SEMA4G: variants seen among roughly 807,000 people sequenced by gnomAD.
SEMA4G encodes the protein semaphorin-4G.
Under a neutral mutation model 81.2 loss-of-function variants are expected in SEMA4G, and 59 were observed. The observed-to-expected ratio is 0.73, with a 90% confidence interval of 0.59 to 0.90. The LOEUF is 0.90. Among genes scored for constraint, SEMA4G ranks in the 40% least tolerant of loss-of-function variants. The pLI is 0.00. For missense variants in SEMA4G, 952 were observed against 1,102.3 expected (o/e 0.86, Z 1.93); for synonymous variants, 404 against 433.9 (o/e 0.93, Z 0.86).
intron 3 of SEMA4G, chr10:100,975,002 G>A (rs1313026429): frequency 1.9e-6 from 1 of 533,742 alleles, no homozygotes; most frequent in Non-Finnish European, 3.8e-6. Context: ...GGTGGGCCAG[G>A]GGTGGTGTTG....
rs778822733 is a variant in SEMA4G at position 100,980,889 on chromosome 10, G to A, written c.1535G>A (p.Arg512Gln). The A allele has an allele frequency of 8.7e-6, 14 of 1,610,832 alleles. No individual in the cohort carries two copies. In the Admixed American group the frequency reaches 1.2e-4, roughly 14 times the overall value. Residue 512 changes from arginine to glutamine, a missense_variant, in exon 12 of 14, where the codon CGA (arginine) becomes CAA (glutamine). By Grantham distance (43) the Arg-to-Gln change is conservative. This residue lies in a region of SEMA4G where 131 missense variants were observed against 200.7 expected (regional missense o/e 0.65). Coordinates refer to ENST00000370250, the Ensembl canonical transcript of SEMA4G. Reference sequence around the variant, plus strand: ...CCACTCTCCAGCTGCTCCCGCTACCGATCCTGCTATGACTGCATCTTGGCC... The same window carrying A: ...CCACTCTCCAGCTGCTCCCGCTACCAATCCTGCTATGACTGCATCTTGGCC...
At chr10:100,984,721 T>C (rs1851341027) in exon 14 of SEMA4G, 36 of 1,536,138 alleles carry the variant, frequency 2.3e-5, no homozygotes, top group Non-Finnish European at 3.1e-5. Flanking sequence ...CCCTCCCAAT[T>C]GCCACATCCT....
intron 3 of SEMA4G, 31 bp from the exon 5 acceptor site, chr10:100,977,601 G>A: frequency 1.3e-6 from 2 of 1,577,204 alleles, no homozygotes; most frequent in Non-Finnish European, 1.7e-6. Flanking sequence ...TCAGGCAGGG[G>A]GCTCACAGCC....
At chr10:100,984,905 C>G (rs1217254719), downstream of SEMA4G, 15 of 1,453,380 alleles carry the variant, frequency 1.0e-5, no homozygotes, top group Non-Finnish European at 1.1e-5. Context: ...AGACAGAGCT[C>G]CAGGCATGTC....
exon 1 of SEMA4G, chr10:100,972,832 T>C: frequency 6.7e-7 from 1 of 1,484,744 alleles, no homozygotes; most frequent in Non-Finnish European, 9.1e-7. Context: ...CCCCTGTGAC[T>C]GTGCTTCCCA....
downstream of SEMA4G, chr10:100,984,888 G>A: frequency 6.8e-7 from 1 of 1,468,828 alleles, no homozygotes; most frequent in South Asian, 1.4e-5. Flanking sequence ...ATTCTCAAGA[G>A]TATGAGAGAC....
At position 100,979,995 on chromosome 10, in the gene SEMA4G, G is replaced by A. The variant is rs1850984344; in HGVS notation, c.1128+3G>A. ...TGCCTGAGCCCCGGCCTGGCTCGGT[G>A]AGTGCCCAGGCCTGGGGCCAGTGCT... On this transcript the variant is annotated splice_donor_region_variant and intron_variant, in intron 9 of 13. Transcript: ENST00000370250. 6.2e-7 allele frequency: 1 copy of A among 1,613,982 alleles called. No individual in the cohort carries two copies. Among genetic ancestry groups the A allele is most frequent in the Non-Finnish European group, 8.5e-7 (1 of 1,179,994 alleles).
downstream of SEMA4G, chr10:100,984,982 C>A: frequency 7.5e-7 from 1 of 1,338,846 alleles, no homozygotes; most frequent in Non-Finnish European, 9.9e-7. Flanking sequence ...CACTCACATG[C>A]ACCTCTGAGC....
chr10:100,983,279 AC>A, intron 13 of SEMA4G, 25 bp from the exon 15 acceptor site: 3 of 1,503,902 alleles, frequency 2.0e-6, no homozygotes, highest in Non-Finnish European at 2.7e-6. Flanking sequence ...ACGGGCTGGT[AC>A]TGACCTCTCC....
chr10:100,969,871 G>C, upstream of SEMA4G: 1 of 455,964 alleles, frequency 2.2e-6, no homozygotes, highest in Non-Finnish European at 4.4e-6. Flanking sequence ...GTCTCCCGGC[G>C]TCCGGCGGGA....
At chr10:100,978,457 C>T in intron 5 of SEMA4G, 69 bp downstream of exon 6, 1 of 1,592,288 alleles carries the variant, frequency 6.3e-7, no homozygotes, top group Non-Finnish European at 8.6e-7. Flanking sequence ...CTAGGACCTG[C>T]CACCATGTAT....
At chr10:100,977,784 C>A (rs893372793) in intron 4 of SEMA4G, 54 bp downstream of exon 5, 2 of 1,426,758 alleles carry the variant, frequency 1.4e-6, no homozygotes, top group Non-Finnish European at 2.0e-6. Flanking sequence ...GGGATGGGAT[C>A]ATGTTCAAGA....
chr10:100,979,671 C>A (rs1485871045), intron 8 of SEMA4G, among the ~76,000 whole-genome samples, 177 bp from the exon 10 acceptor site: 1 of 152,126 alleles, frequency 6.6e-6, no homozygotes, highest in African/African-American at 2.4e-5. Context: ...ATTTTAAGCA[C>A]ATCAAGCTAG....
At chr10:100,974,481 A>C (rs35017661) in intron 3 of SEMA4G, among the ~76,000 whole-genome samples, 14,032 of 152,162 alleles carry the variant, frequency 0.092, 730 homozygotes, top group Non-Finnish European at 0.12. Context: ...AACCAACAAA[A>C]AACAGTAAGT....
At position 100,972,725 on chromosome 10, in the gene SEMA4G, T is replaced by C; in HGVS notation, c.-188T>C. ...ATGGCCACACAACCCTGTGACTCCA[T>C]GTCCCCCCGATTCCAGGACCCCCCA... On this transcript the variant is annotated 5_prime_UTR_variant, in exon 1 of 14. It removes an upstream start codon present in the reference 5' UTR. Coordinates refer to ENST00000370250, the Ensembl canonical transcript of SEMA4G. 1.8e-6 allele frequency: 1 copy of C among 561,122 alleles called. No individual in the cohort carries two copies. Among genetic ancestry groups the C allele is most frequent in the Non-Finnish European group, 3.1e-6 (1 of 320,982 alleles). The allele number at this position is 561,122 out of a possible 1,614,324, so 34.8% of individuals were successfully genotyped here. A position where few individuals can be genotyped will look rare whatever the true frequency, so the allele number is the denominator to read the frequency against.
chr10:100,980,777 T>C (rs1282686538), intron 11 of SEMA4G, 45 bp from the exon 13 acceptor site: 11 of 1,587,096 alleles, frequency 6.9e-6, no homozygotes, highest in East Asian at 2.3e-5. Flanking sequence ...TGTGTATCTG[T>C]ATGAGTGGGG....
At chr10:100,980,393 C>A (rs1851006068) in intron 10 of SEMA4G, 49 bp downstream of exon 11, 2 of 1,541,890 alleles carry the variant, frequency 1.3e-6, no homozygotes, top group Non-Finnish European at 9.0e-7. Flanking sequence ...ATCACTAATG[C>A]TTCTGAATCC....
intron 6 of SEMA4G, 36 bp downstream of exon 7, chr10:100,978,676 G>A (rs1319569661): frequency 7.5e-6 from 12 of 1,594,058 alleles, no homozygotes; most frequent in Non-Finnish European, 9.5e-6. Flanking sequence ...TGGGGGGTAG[G>A]GGACTATTTC....
chr10:100,972,697 T>A (rs1234279287), exon 1 of SEMA4G: 1 of 528,630 alleles, frequency 1.9e-6, no homozygotes, highest in Non-Finnish European at 3.3e-6. Context: ...AGCTGGGGAT[T>A]CCATGGCCAC....
Sources: allele counts gnomAD v4.1 joint callset (sites outside exome capture counted in the v4.1 genomes callset), GRCh38; gene constraint gnomAD v4.1.1; regional missense constraint gnomAD v4.1.1; transcripts MANE v1.5; gene names NCBI Gene and HGNC (gene_info 2026-07-23, HGNC 2026-07-21).